The following DST variants were observed in gnomAD, a reference collection of about 807,000 sequenced individuals.
The protein encoded by DST is bullous pemphigoid antigen.
Under a neutral mutation model 875.2 loss-of-function variants are expected in DST, and 253 were observed. The ratio of observed to expected loss-of-function variants is 0.29; its 90% CI spans 0.26 to 0.32. The LOEUF (loss-of-function observed/expected upper bound fraction) is 0.32. DST is among the 10% of genes least tolerant of loss of function. The pLI is 1.00. For missense variants in DST, 8,287 were observed against 9,111.6 expected, an observed-to-expected ratio of 0.91 and a Z score of 3.68; for synonymous variants, 3,124 against 3,197.1, an observed-to-expected ratio of 0.98 and a Z score of 0.77.
In DST at chr6:56,634,144, G is replaced by A. The variant is rs747997266; in HGVS notation, c.3609C>T (p.Ser1203=). Residue 1203 remains serine (S), a synonymous_variant, in exon 27 of 104, where the codon AGC becomes AGT. Coordinates refer to ENST00000680361, the MANE Select transcript of DST (RefSeq NM_001374736.1). The part of the protein sequence containing the change: ...LINEIDRIRA[S]NVASIKTMLP... ...GATTCATACTTACTGAAGCCACATT[G>A]CTAGCTCGAATTCTATCAATTTCAT... 53 of 1,612,980 alleles carry A rather than the reference G, an allele frequency of 3.3e-5. No individual in the cohort carries two copies. The highest frequency in any genetic ancestry group is 1.6e-4 in the Middle Eastern group (1 of 6,084).
At chr6:56,528,263 T>C (rs527424659) in intron 67 of DST, among the ~76,000 whole-genome samples, 3 of 152,260 alleles carry the variant, frequency 2.0e-5, no homozygotes, top group South Asian at 4.1e-4. Flanking sequence ...ATTTCTTCAA[T>C]GCATAATGAA....
chr6:56,934,601 GAGA>G (rs1246849851), intron 2 of DST, among the ~76,000 whole-genome samples: 2 of 122,226 alleles, frequency 1.6e-5, no homozygotes, highest in East Asian at 2.0e-4. Context: ...GTGAGAGAGA[GAGA>G]AGGAGGGGAG....
intron 2 of DST, among the ~76,000 whole-genome samples, chr6:56,918,134 T>TA (rs1562398998): frequency 2.1e-5 from 2 of 96,696 alleles, no homozygotes; most frequent in African/African-American, 8.3e-5. Flanking sequence ...TTTTTTTTTC[T>TA]TTTTTTTTTT....
chr6:56,556,304 CAT>C (rs768931439), intron 59 of DST, among the ~76,000 whole-genome samples: 20 of 152,000 alleles, frequency 1.3e-4, no homozygotes, highest in Non-Finnish European at 2.2e-4. Context: ...GTTTTTGTAA[CAT>C]AAAATTTATT....
At chr6:56,561,609 A>G in intron 56 of DST, 60 bp from the exon 57 acceptor site, 2 of 1,519,234 alleles carry the variant, frequency 1.3e-6, no homozygotes, top group Non-Finnish European at 1.8e-6. Flanking sequence ...GCAGAGGTCT[A>G]GAAATAAAAG....
At chr6:56,720,132 T>C (rs927852080) in intron 5 of DST, among the ~76,000 whole-genome samples, 6 of 152,152 alleles carry the variant, frequency 3.9e-5, no homozygotes, top group Non-Finnish European at 7.4e-5. Context: ...GTTTCGACCA[T>C]AGAAGACGGC....
chr6:56,549,905 G>T lies in DST; in HGVS notation c.16608+2279C>A, dbSNP rs142854533. On this transcript the variant is annotated intron_variant, in intron 61 of 103. Transcript: ENST00000680361. Reference sequence around the variant, plus strand: ...AAGCAGTGCATCATTTTCATCAAAAGAATCAGGTTCTGACACTATCCGTGT... The same window carrying T: ...AAGCAGTGCATCATTTTCATCAAAATAATCAGGTTCTGACACTATCCGTGT... 1.2e-4 allele frequency among the ~76,000 whole-genome samples: 19 copies of T among 152,300 alleles called. No homozygotes were observed. In the East Asian group the frequency reaches 3.5e-3, roughly 28 times the overall value.
At chr6:56,587,944 C>A (rs1241735012) in intron 49 of DST, among the ~76,000 whole-genome samples, 3 of 152,042 alleles carry the variant, frequency 2.0e-5, no homozygotes, top group Non-Finnish European at 2.9e-5. Flanking sequence ...CCGGTACCAG[C>A]CACTGCAAAA....
At chr6:56,504,827 C>G (rs974500661) in intron 77 of DST, among the ~76,000 whole-genome samples, 1 of 151,992 alleles carries the variant, frequency 6.6e-6, no homozygotes, top group African/African-American at 2.4e-5. Context: ...TTCCAAGTAG[C>G]TCAGACTATA....
At chr6:56,833,683 G>A (rs184230198) in intron 4 of DST, among the ~76,000 whole-genome samples, 2 of 151,812 alleles carry the variant, frequency 1.3e-5, no homozygotes, top group African/African-American at 4.8e-5. Context: ...ACTCTATGAA[G>A]CAGATACAAT....
In DST at chr6:56,639,783, G is replaced by A. The variant is rs1306346085; in HGVS notation, c.2620-10C>T. On this transcript the variant is annotated splice_polypyrimidine_tract_variant and intron_variant, in intron 19 of 103. Coordinates refer to ENST00000680361, the MANE Select transcript of DST (RefSeq NM_001374736.1). ...GTGCTGTCATTTGAATCTATAACAT[G>A]AGATTAAAAAGACACTCCAGTCAGG... 6.2e-7 allele frequency: 1 copy of A among 1,611,106 alleles called. No homozygotes were observed. Among genetic ancestry groups the A allele is most frequent in the Admixed American group, 1.7e-5 (1 of 60,010 alleles).
intron 4 of DST, among the ~76,000 whole-genome samples, chr6:56,764,838 T>C (rs1322405482): frequency 6.6e-6 from 1 of 152,000 alleles, no homozygotes; most frequent in Non-Finnish European, 1.5e-5. Context: ...ATGCCTGTAA[T>C]CCCAGCTACT....
At chr6:56,734,985 C>T (rs1453183486) in intron 5 of DST, 1 of 372,370 alleles carries the variant, frequency 2.7e-6, no homozygotes, top group African/African-American at 2.1e-5. Context: ...CCAATAGTAA[C>T]AGGTTTTACT....
chr6:56,900,131 C>G (rs1793384386), intron 3 of DST, among the ~76,000 whole-genome samples: 1 of 152,156 alleles, frequency 6.6e-6, no homozygotes, highest in Non-Finnish European at 1.5e-5. Flanking sequence ...CTCTATGTCC[C>G]CATCCTCATT....
At chr6:56,494,863 A>G in intron 82 of DST, among the ~76,000 whole-genome samples, 1 of 151,980 alleles carries the variant, frequency 6.6e-6, no homozygotes, top group South Asian at 2.1e-4. Flanking sequence ...AAAAATTAAG[A>G]CTAGTTCTAT....
chr6:56,850,776 A>C (rs1383078930), intron 4 of DST, among the ~76,000 whole-genome samples: 1 of 152,238 alleles, frequency 6.6e-6, no homozygotes, highest in Non-Finnish European at 1.5e-5. Context: ...ATGCAAGGGA[A>C]CACCGGGTAA....
At chr6:56,677,882 A>T (rs1273764048) in intron 9 of DST, among the ~76,000 whole-genome samples, 1 of 152,192 alleles carries the variant, frequency 6.6e-6, no homozygotes, top group Admixed American at 6.5e-5. Context: ...ACCCCATGGT[A>T]AACAAAGTCT....
rs148856756 is a variant in DST, at chr6:56,618,104, G to C, written c.4930-3620C>G. 4.0e-4 allele frequency: 652 copies of C among 1,614,140 alleles called. 1 individual carries two copies. The highest frequency in any genetic ancestry group is 5.0e-4 in the Non-Finnish European group (591 of 1,180,000). ...TATCTTCTCAATTTCAGACAGTCTT[G>C]TAATGGGGTTTGTCTCATCAAAAGT... On this transcript the variant is annotated intron_variant, in intron 36 of 103. Transcript: ENST00000680361.
chr6:56,474,960 CAAAAAAAAA>C (rs386407168), intron 92 of DST, among the ~76,000 whole-genome samples: 1,135 of 31,310 alleles, frequency 0.036, 23 homozygotes, highest in African/African-American at 0.11. Context: ...CCCTGCCTCT[CAAAAAAAAA>C]AAAAAAAAAA....
Sources: gnomAD v4.1 joint callset for allele counts (sites outside exome capture counted in the v4.1 genomes callset) on GRCh38, gnomAD v4.1.1 for gene constraint, MANE v1.5 for transcripts, NCBI Gene and HGNC (gene_info 2026-07-23, HGNC 2026-07-21) for gene names.